ACKR3: variants seen among roughly 807,000 people sequenced by gnomAD.
The protein encoded by ACKR3 is atypical chemokine receptor 3, also known as C-X-C chemokine receptor type 7.
Under a neutral mutation model 22.4 loss-of-function variants are expected in ACKR3, and 6 were observed. The observed-to-expected ratio is 0.27, with a 90% CI of 0.15 to 0.53. The LOEUF (loss-of-function observed/expected upper bound fraction) is 0.53. Ranked by LOEUF, ACKR3 falls within the 20% of genes least tolerant of loss-of-function variation. The probability of loss-of-function intolerance (pLI) is 0.96; values close to 1 mark genes in which losing one functional copy is unlikely to be tolerated. For synonymous variants in ACKR3, 209 were observed against 205.2 expected (o/e 1.02, Z -0.16); for missense variants, 396 against 475.2 (o/e 0.83, Z 1.55).
the ACKR3 span, among the ~76,000 whole-genome samples, chr2:236,553,044 A>T: frequency 1.3e-5 from 2 of 151,888 alleles, no homozygotes; most frequent in Non-Finnish European, 2.9e-5. Flanking sequence ...ATCATGTGAT[A>T]CTCCTTTTCT....
the ACKR3 span, among the ~76,000 whole-genome samples, chr2:236,538,047 A>G: frequency 6.6e-6 from 1 of 152,154 alleles, no homozygotes; most frequent in South Asian, 2.1e-4. Context: ...AATTCCCCAA[A>G]CAACTCTTAA....
At chr2:236,538,542 G>A in the ACKR3 span, among the ~76,000 whole-genome samples, 219 of 150,112 alleles carry the variant, frequency 1.5e-3, 1 homozygote, top group Non-Finnish European at 1.5e-3. Flanking sequence ...CTGGCCCCAA[G>A]CATGGAAAGG....
At position 236,581,350 on chromosome 2, in the gene ACKR3, G is replaced by C; in HGVS notation, c.885G>C (p.Thr295=). The change falls in exon 2 of 2, where the codon ACG becomes ACC. Residue 295 remains threonine (T), a synonymous_variant. Coordinates refer to ENST00000272928, the MANE Select transcript of ACKR3 (RefSeq NM_020311.3). This position sits in a 1 kb window ranked among gnomAD's most constrained non-coding sequence, Gnocchi z 4.4. The part of the protein sequence containing the change: ...FTCRLEHALF[T]ALHVTQCLSL... ...GCCGGCTGGAGCACGCCCTCTTCAC[G>C]GCCCTGCATGTCACACAGTGCCTGT... The C allele has an allele frequency of 1.2e-6, 2 of 1,613,952 alleles. No individual in the cohort carries two copies. The highest frequency in any genetic ancestry group is 1.7e-6 in the Non-Finnish European group (2 of 1,180,002).
At chr2:236,572,766 A>G (rs1691335547) in intron 1 of ACKR3, among the ~76,000 whole-genome samples, 1 of 152,190 alleles carries the variant, frequency 6.6e-6, no homozygotes, top group Non-Finnish European at 1.5e-5. Context: ...GCTGAGCACA[A>G]TAGACCAGAT....
the ACKR3 span, among the ~76,000 whole-genome samples, chr2:236,553,478 A>G: frequency 1.3e-5 from 2 of 152,274 alleles, no homozygotes; most frequent in African/African-American, 4.8e-5. Context: ...GAGAGAAAAC[A>G]CATCACCAAG....
upstream of ACKR3, among the ~76,000 whole-genome samples, chr2:236,563,692 C>T (rs1691119597): frequency 6.6e-6 from 1 of 152,148 alleles, no homozygotes; most frequent in African/African-American, 2.4e-5. Flanking sequence ...ATGCCATAGA[C>T]AGTGCGGTGG....
At chr2:236,558,987 T>TA in the ACKR3 span, among the ~76,000 whole-genome samples, 1 of 152,246 alleles carries the variant, frequency 6.6e-6, no homozygotes, top group Non-Finnish European at 1.5e-5. Flanking sequence ...GTTTTGAAGC[T>TA]AAAATCTATA....
In ACKR3 at chr2:236,582,051, C is replaced by A. The variant is rs1691552680; in HGVS notation, c.*497C>A. On this transcript the variant is annotated 3_prime_UTR_variant, in exon 2 of 2. Transcript: ENST00000272928. ...GACTAAGGATGACACTAATTGTTAG[C>A]TGTTTTGAAATTATATATATATAAA... is the stretch of plus-strand genomic sequence containing the variant. The A allele has an allele frequency of 1.2e-5, 2 of 164,016 alleles. No individual in the cohort carries two copies. The highest frequency in any genetic ancestry group is 6.7e-5 in the Admixed American group (1 of 14,946). 10.2% of individuals were successfully genotyped at this position (164,016 alleles called of 1,614,324 possible). A position where few individuals can be genotyped will look rare whatever the true frequency, so the allele number is the denominator to read the frequency against.
Position 236,579,046 on chromosome 2 carries a change from A to T in ACKR3, c.-26-1394A>T, listed in dbSNP as rs544803133. 4.6e-5 allele frequency among the ~76,000 whole-genome samples: 7 copies of T among 152,266 alleles called. No individual in the cohort carries two copies. In the South Asian group the frequency reaches 1.5e-3, roughly 32 times the overall value. On this transcript the variant is annotated intron_variant, in intron 1 of 1. Transcript: ENST00000272928. ...AGGTGCTGCTGTCCTGGGGAGGTAG[A>T]TGCAGACAGATTAACTCTCAAGGTA...
At chr2:236,543,798 G>A in the ACKR3 span, among the ~76,000 whole-genome samples, 1 of 151,846 alleles carries the variant, frequency 6.6e-6, no homozygotes, top group Non-Finnish European at 1.5e-5. Flanking sequence ...AAGGGCAGGA[G>A]AAGATTCAGC....
At chr2:236,576,983 A>AC (rs1164099016) in intron 1 of ACKR3, among the ~76,000 whole-genome samples, 2 of 151,802 alleles carry the variant, frequency 1.3e-5, no homozygotes, top group Non-Finnish European at 2.9e-5. Flanking sequence ...TTCCTATCTG[A>AC]CCCCTGGAAC....
chr2:236,564,881 T>C (rs959128399), upstream of ACKR3, among the ~76,000 whole-genome samples: 4 of 152,168 alleles, frequency 2.6e-5, no homozygotes, highest in Admixed American at 6.5e-5. Context: ...GTTTCCTCAA[T>C]TACAAAAGTG....
the ACKR3 span, among the ~76,000 whole-genome samples, chr2:236,545,619 T>C: frequency 2.0e-5 from 3 of 152,092 alleles, no homozygotes; most frequent in Non-Finnish European, 4.4e-5. The surrounding 1 kb of genome is among the most constrained non-coding windows in gnomAD (Gnocchi z 5.3). Flanking sequence ...TCAATAAAAG[T>C]GTGGCAGACG....
rs1348790983 is a variant in ACKR3 at position 236,582,166 on chromosome 2, G to A, written c.*612G>A. ...TCTGTGTGGTGTTTTGTACCGGCAC[G>A]GGATATGGAACGAAAACTGCTTTGT... On this transcript the variant is annotated 3_prime_UTR_variant, in exon 2 of 2. Transcript: ENST00000272928. 1.9e-4 allele frequency: 31 copies of A among 166,776 alleles called. No individual in the cohort carries two copies. The highest frequency in any genetic ancestry group is 2.1e-4 in the South Asian group (1 of 4,814). 10.3% of individuals were successfully genotyped at this position (166,776 alleles called of 1,614,324 possible). A position where few individuals can be genotyped will look rare whatever the true frequency, so the allele number is the denominator to read the frequency against.
rs751467263 is a variant in ACKR3, at chr2:236,577,208, C to T, written c.-26-3232C>T. Among the ~76,000 whole-genome samples, 2 of 152,242 alleles carry T rather than the reference C, an allele frequency of 1.3e-5. No homozygotes were observed. The highest frequency in any genetic ancestry group is 2.4e-5 in the African/African-American group (1 of 41,460). On this transcript the variant is annotated intron_variant, in intron 1 of 1. Coordinates refer to ENST00000272928, the MANE Select transcript of ACKR3 (RefSeq NM_020311.3). This position sits in a 1 kb window ranked among gnomAD's most constrained non-coding sequence, Gnocchi z 5.6. ...TGAGGAGCTCCAGCCTCCGCTCTCT[C>T]ATTCAGCCCTTGGGCAGCAACAGCC...
the ACKR3 span, among the ~76,000 whole-genome samples, chr2:236,538,087 CT>C: frequency 5.6e-4 from 84 of 149,600 alleles, no homozygotes; most frequent in African/African-American, 4.4e-4. Flanking sequence ...GTTTTGTTTT[CT>C]TTTTTTTTTC....
chr2:236,546,138 G>A, the ACKR3 span, among the ~76,000 whole-genome samples: 921 of 152,308 alleles, frequency 6.0e-3, 9 homozygotes, highest in African/African-American at 0.021. The surrounding 1 kb of genome is among the most constrained non-coding windows in gnomAD (Gnocchi z 4.9). Context: ...TCTTTCTAAC[G>A]ATTCTTGGTC....
chr2:236,581,865 A>G lies in ACKR3; in HGVS notation c.*311A>G, dbSNP rs1023213667. ...TTTCTGTGTTTCCTGAATTTTTTAT[A>G]TGGTGATTTGTATTTAAATTTTAAG... is the stretch of plus-strand genomic sequence containing the variant. On this transcript the variant is annotated 3_prime_UTR_variant, in exon 2 of 2. Coordinates refer to ENST00000272928, the MANE Select transcript of ACKR3 (RefSeq NM_020311.3). The surrounding 1 kb of genome is among the most constrained non-coding windows in gnomAD (Gnocchi z 4.4). 1.3e-5 allele frequency: 3 copies of G among 233,828 alleles called. No homozygotes were observed. In the East Asian group the frequency reaches 2.9e-4, roughly 23 times the overall value. 14.5% of individuals were successfully genotyped at this position (233,828 alleles called of 1,614,324 possible).
chr2:236,561,139 T>C, the ACKR3 span, among the ~76,000 whole-genome samples: 1 of 152,192 alleles, frequency 6.6e-6, no homozygotes, highest in Non-Finnish European at 1.5e-5. Flanking sequence ...TGATGGTTAC[T>C]AGAGGCGAGA....
Sources: allele counts gnomAD v4.1 joint callset (sites outside exome capture counted in the v4.1 genomes callset), GRCh38; gene constraint gnomAD v4.1.1; non-coding constraint Gnocchi (gnomAD v3.1); transcripts MANE v1.5; gene names NCBI Gene and HGNC (gene_info 2026-07-23, HGNC 2026-07-21).